The following ASIC5 variants were observed in gnomAD, a reference collection of about 807,000 sequenced individuals.
The protein encoded by ASIC5 is bile acid-sensitive ion channel.
A neutral mutation model predicts 51.2 loss-of-function variants in ASIC5; 52 were observed. That is an observed-to-expected ratio of 1.02 (90% confidence interval 0.81 to 1.28). The LOEUF is 1.28. Among genes scored for constraint, ASIC5 ranks in the 50% most tolerant of loss-of-function variants. The probability of loss-of-function intolerance (pLI) is 0.00; values close to 1 mark genes in which losing one functional copy is unlikely to be tolerated. For missense variants in ASIC5, 635 were observed against 595.0 expected, an observed-to-expected ratio of 1.07 and a Z score of -0.70; for synonymous variants, 231 against 200.7, an observed-to-expected ratio of 1.15 and a Z score of -1.28.
chr4:155,853,784 AATTAAAAT>A (rs1260739877), intron 3 of ASIC5, among the ~76,000 whole-genome samples: 2 of 151,776 alleles, frequency 1.3e-5, no homozygotes, highest in Admixed American at 1.3e-4. Context: ...GAATGAAAAA[AATTAAAAT>A]ATCCTCTTGT....
chr4:155,856,784 C>T (rs577437735), intron 2 of ASIC5, among the ~76,000 whole-genome samples: 28 of 152,114 alleles, frequency 1.8e-4, no homozygotes, highest in African/African-American at 6.7e-4. Flanking sequence ...ACAATCTGCT[C>T]CAAAACCCTA....
intron 4 of ASIC5, among the ~76,000 whole-genome samples, chr4:155,844,494 G>A (rs1278474086): frequency 6.6e-6 from 1 of 152,004 alleles, no homozygotes; most frequent in Non-Finnish European, 1.5e-5. Flanking sequence ...ACTAAAGTTA[G>A]CATTAACAAC....
chr4:155,848,727 T>C (rs1340915169), intron 4 of ASIC5, among the ~76,000 whole-genome samples: 1 of 152,038 alleles, frequency 6.6e-6, no homozygotes, highest in Non-Finnish European at 1.5e-5. Context: ...CTGATAACTT[T>C]GGAGATTGTA....
intron 7 of ASIC5, 57 bp from the exon 8 acceptor site, chr4:155,836,914 G>T: frequency 1.5e-6 from 2 of 1,294,248 alleles, no homozygotes; most frequent in Non-Finnish European, 2.1e-6. Context: ...ATCATGGGTA[G>T]GATAGTTTTA....
intron 2 of ASIC5, among the ~76,000 whole-genome samples, chr4:155,858,099 A>T (rs1391429642): frequency 3.3e-5 from 5 of 152,262 alleles, no homozygotes; most frequent in Non-Finnish European, 5.9e-5. Context: ...AGTTTTTACC[A>T]AATGAATATA....
chr4:155,861,352 G>T (rs1741701138), intron 2 of ASIC5, among the ~76,000 whole-genome samples: 1 of 151,934 alleles, frequency 6.6e-6, no homozygotes, highest in Non-Finnish European at 1.5e-5. Flanking sequence ...ATTACTAAAA[G>T]TGGGGTATTG....
At chr4:155,836,343 A>C (rs1029167819) in intron 8 of ASIC5, among the ~76,000 whole-genome samples, 4 of 152,258 alleles carry the variant, frequency 2.6e-5, no homozygotes, top group Non-Finnish European at 5.9e-5. Flanking sequence ...TACAGTTATT[A>C]GAAGACTCAA....
At chr4:155,848,434 C>T (rs1741304948) in intron 4 of ASIC5, among the ~76,000 whole-genome samples, 1 of 151,876 alleles carries the variant, frequency 6.6e-6, no homozygotes, top group Non-Finnish European at 1.5e-5. Flanking sequence ...TTTATTTGGG[C>T]TGTATTTATG....
At chr4:155,839,093 C>G (rs1263215714) in intron 6 of ASIC5, among the ~76,000 whole-genome samples, 2 of 152,044 alleles carry the variant, frequency 1.3e-5, no homozygotes, top group Admixed American at 1.3e-4. Flanking sequence ...CTTTCCATAC[C>G]TCTTTCCATC....
rs533621174 is a variant in ASIC5 at position 155,837,072 on chromosome 4, C to T, written c.1067-215G>A. On this transcript the variant is annotated intron_variant, in intron 7 of 9. Coordinates refer to ENST00000537611, the MANE Select transcript of ASIC5 (RefSeq NM_017419.3). ...GTTCCAATCTTTGAATTCATTGAGT[C>T]ACTGGATTGGGATCTTTATTGGATT... Among the ~76,000 whole-genome samples, 3 of 152,240 alleles carry T rather than the reference C, an allele frequency of 2.0e-5. No homozygotes were observed. The East Asian group carries it at 5.8e-4, about 29-fold the overall frequency.
At position 155,861,062 on chromosome 4, in the gene ASIC5, C is replaced by A. The variant is rs898100850; in HGVS notation, c.347+2386G>T. 4.0e-5 allele frequency among the ~76,000 whole-genome samples: 6 copies of A among 151,784 alleles called. No homozygotes were observed. In the East Asian group the frequency reaches 1.2e-3, roughly 29 times the overall value. On this transcript the variant is annotated intron_variant, in intron 2 of 9. Coordinates refer to ENST00000537611, the MANE Select transcript of ASIC5 (RefSeq NM_017419.3). ...AATATTTACATATTTGTGAATATCC[C>A]AAATTAATTTTGATTATTGACCTCT...
At chr4:155,830,124 A>G in intron 9 of ASIC5, 78 bp from the exon 10 acceptor site, 1 of 925,736 alleles carries the variant, frequency 1.1e-6, no homozygotes, top group Non-Finnish European at 1.6e-6. Flanking sequence ...AATTAGTTGA[A>G]GCAAAATAGA....
intron 4 of ASIC5, among the ~76,000 whole-genome samples, chr4:155,845,233 A>T (rs1193329048): frequency 1.3e-5 from 2 of 152,208 alleles, no homozygotes; most frequent in Admixed American, 6.5e-5. Flanking sequence ...TCTAAAAAGA[A>T]TTTTTTTAAA....
At chr4:155,865,685 T>A (rs1741845001) in intron 1 of ASIC5, among the ~76,000 whole-genome samples, 1 of 152,102 alleles carries the variant, frequency 6.6e-6, no homozygotes, top group Non-Finnish European at 1.5e-5. Context: ...TAATAGAGTT[T>A]TTTTTATTAT....
intron 9 of ASIC5, 63 bp downstream of exon 9, chr4:155,831,761 G>A (rs1001905520): frequency 2.5e-5 from 28 of 1,112,410 alleles, no homozygotes; most frequent in East Asian, 1.5e-4. Context: ...GCTACAGAGC[G>A]AGATTCTGTC....
intron 4 of ASIC5, among the ~76,000 whole-genome samples, chr4:155,849,027 T>C (rs1321805029): frequency 2.0e-5 from 3 of 152,100 alleles, no homozygotes; most frequent in Non-Finnish European, 4.4e-5. Context: ...AATACAGTTA[T>C]TTGCATAAGT....
At chr4:155,858,035 G>A (rs1361702192) in intron 2 of ASIC5, among the ~76,000 whole-genome samples, 2 of 152,038 alleles carry the variant, frequency 1.3e-5, no homozygotes, top group South Asian at 2.1e-4. Context: ...AGCATCAGTA[G>A]TCACTACATC....
rs774246638 is a variant in ASIC5, at chr4:155,843,825, T to C, written c.717A>G (p.Ala239=). 6.2e-7 allele frequency: 1 copy of C among 1,613,398 alleles called. No homozygotes were observed. Among genetic ancestry groups the C allele is most frequent in the Non-Finnish European group, 8.5e-7 (1 of 1,179,592 alleles). ...AACCAAGGGCTGGGTTATCAGTGAA[T>C]GCCTCCTGAAACAAAAATATGTTTT... ...LSLLFNVNQE[A]FTDNPALGFV... is the part of the protein sequence containing the mutation. Residue 239 remains alanine, a synonymous_variant, in exon 5 of 10, where the codon GCA becomes GCG. Coordinates refer to ENST00000537611, the MANE Select transcript of ASIC5 (RefSeq NM_017419.3).
intron 2 of ASIC5, among the ~76,000 whole-genome samples, chr4:155,858,454 A>G (rs1469760491): frequency 6.6e-6 from 1 of 152,110 alleles, no homozygotes; most frequent in African/African-American, 2.4e-5. Context: ...ACAAATATTC[A>G]TAAAGAGGCT....
Sources: gnomAD v4.1 joint callset for allele counts (sites outside exome capture counted in the v4.1 genomes callset) on GRCh38, gnomAD v4.1.1 for gene constraint, MANE v1.5 for transcripts, NCBI Gene and HGNC (gene_info 2026-07-23, HGNC 2026-07-21) for gene names.